WDR43: variants seen among roughly 807,000 people sequenced by gnomAD.
WDR43 encodes WD repeat-containing protein 43.
In WDR43, 13 loss-of-function variants were observed where a neutral mutation model predicts 91.4. That is an observed-to-expected ratio of 0.14 (90% CI 0.09 to 0.23). WDR43 has a LOEUF of 0.23. Ranked by LOEUF, WDR43 falls within the 10% of genes least tolerant of loss-of-function variation. The pLI is 1.00. For synonymous variants in WDR43, 331 were observed against 287.9 expected, an observed-to-expected ratio of 1.15 and a Z score of -1.51; for missense variants, 780 against 809.4, an observed-to-expected ratio of 0.96 and a Z score of 0.44.
intron 9 of WDR43, chr2:28,927,270 G>A (rs1388592013): frequency 2.1e-6 from 1 of 466,814 alleles, no homozygotes; most frequent in African/African-American, 2.0e-5. Context: ...TAGTAGTGGG[G>A]GCTTGTATAC....
At chr2:28,899,778 A>T (rs1160509078) in intron 1 of WDR43, among the ~76,000 whole-genome samples, 2 of 152,164 alleles carry the variant, frequency 1.3e-5, no homozygotes, top group African/African-American at 4.8e-5. Flanking sequence ...TTCTGGTCTG[A>T]TGTGTTACCT....
intron 16 of WDR43, 122 bp from the exon 17 acceptor site, chr2:28,946,328 A>G (rs6745598): frequency 0.72 from 704,324 of 974,094 alleles, 256,702 homozygotes; most frequent in East Asian, 0.86. Flanking sequence ...TCTTAGTTGG[A>G]TGATTGCTAA....
chr2:28,926,960 C>T (rs928097236), intron 9 of WDR43: 5 of 458,222 alleles, frequency 1.1e-5, no homozygotes, highest in South Asian at 1.6e-5. Context: ...GAATATAATA[C>T]CACAAAAGCA....
At chr2:28,920,224 CTTTTT>C (rs751048652) in intron 6 of WDR43, among the ~76,000 whole-genome samples, 6 of 108,072 alleles carry the variant, frequency 5.6e-5, no homozygotes, top group Non-Finnish European at 8.8e-5. Context: ...TTTTTTCTTT[CTTTTT>C]TTTTTTTTTT....
At chr2:28,925,674 A>G (rs1348553819) in intron 8 of WDR43, among the ~76,000 whole-genome samples, 1 of 152,240 alleles carries the variant, frequency 6.6e-6, no homozygotes, top group Non-Finnish European at 1.5e-5. Context: ...AGTTATCGTA[A>G]GCATGTACAA....
intron 2 of WDR43, among the ~76,000 whole-genome samples, chr2:28,903,973 T>A: frequency 6.6e-6 from 1 of 152,034 alleles, no homozygotes; most frequent in East Asian, 1.9e-4. Flanking sequence ...GCTGGCTCAT[T>A]TTTGTATTTT....
chr2:28,945,920 G>T (rs1416294587), intron 16 of WDR43, among the ~76,000 whole-genome samples: 2 of 151,672 alleles, frequency 1.3e-5, no homozygotes, highest in East Asian at 3.8e-4. Context: ...ATCCACTGGG[G>T]CTATTTGGTG....
chr2:28,933,131 A>T (rs1395565437), intron 11 of WDR43, among the ~76,000 whole-genome samples: 1 of 152,240 alleles, frequency 6.6e-6, no homozygotes, highest in Non-Finnish European at 1.5e-5. Context: ...CCTTCGTAGA[A>T]ATTGACAAAC....
At chr2:28,946,227 C>T (rs909958460) in intron 16 of WDR43, among the ~76,000 whole-genome samples, 9 of 151,714 alleles carry the variant, frequency 5.9e-5, no homozygotes, top group African/African-American at 1.9e-4. Context: ...GAGCCTGAGG[C>T]TTGAACCTGG....
intron 5 of WDR43, 120 bp from the exon 6 acceptor site, chr2:28,917,773 A>G (rs573421207): frequency 1.9e-5 from 16 of 846,174 alleles, no homozygotes; most frequent in African/African-American, 1.7e-4. Flanking sequence ...CTAGTTTTCA[A>G]AAGATGACAA....
intron 3 of WDR43, among the ~76,000 whole-genome samples, chr2:28,910,678 A>AATATATATTTATATAT (rs1670778141): frequency 7.0e-6 from 1 of 142,644 alleles, no homozygotes; most frequent in Admixed American, 7.3e-5. Context: ...TGTGTGTGTA[A>AATATATATTTATATAT]ATATATATAT....
chr2:28,930,445 G>GT (rs1161635963), intron 11 of WDR43, among the ~76,000 whole-genome samples: 3 of 152,232 alleles, frequency 2.0e-5, no homozygotes, highest in Admixed American at 6.5e-5. Context: ...TGTGATTTCA[G>GT]TGAGTGTCAA....
chr2:28,929,725 A>G lies in WDR43; in HGVS notation c.1437+15A>G, dbSNP rs768123630. 2 of 1,603,744 alleles carry G rather than the reference A, an allele frequency of 1.2e-6. No homozygotes were observed. Among genetic ancestry groups the G allele is most frequent in the Admixed American group, 1.7e-5 (1 of 58,748 alleles). ...AAATGCTAAATGTAAGTATATAGCA[A>G]TTTTTAACTAAATTAACATGGTTAA... On this transcript the variant is annotated intron_variant, in intron 11 of 17. Transcript: ENST00000407426.
At chr2:28,899,721 T>C (rs916801984) in intron 1 of WDR43, among the ~76,000 whole-genome samples, 1 of 152,230 alleles carries the variant, frequency 6.6e-6, no homozygotes, top group African/African-American at 2.4e-5. Context: ...GTATGGGTAA[T>C]ACTTGGAGTA....
At position 28,894,911 on chromosome 2, in the gene WDR43, G is replaced by A. The variant is rs763623771; in HGVS notation, c.213G>A (p.Arg71=). The change falls in exon 1 of 18, where the codon CGG becomes CGA. Residue 71 remains arginine (R), a synonymous_variant. Transcript: ENST00000407426. ...TCTCLAWAPA[R]LQAKESPQRK... The stretch of plus-strand genomic sequence containing the variant: ...CCTGTCTGGCCTGGGCGCCAGCGCG[G>A]CTGCAGGCCAAGGTAAAGCGAGCGG... The A allele has an allele frequency of 1.3e-6, 2 of 1,592,094 alleles. No individual in the cohort carries two copies. Among genetic ancestry groups the A allele is most frequent in the Non-Finnish European group, 1.7e-6 (2 of 1,170,078 alleles).
chr2:28,943,382 C>T (rs930746644), intron 16 of WDR43, among the ~76,000 whole-genome samples: 3 of 152,130 alleles, frequency 2.0e-5, no homozygotes, highest in Non-Finnish European at 4.4e-5. Flanking sequence ...ACGGTCTTCT[C>T]GCGTCAGCTT....
chr2:28,943,875 T>C (rs192498796), intron 16 of WDR43, among the ~76,000 whole-genome samples: 69 of 152,294 alleles, frequency 4.5e-4, no homozygotes, highest in African/African-American at 1.7e-3. Context: ...GCTCATGCTG[T>C]GGTGGGAGTA....
intron 16 of WDR43, among the ~76,000 whole-genome samples, chr2:28,944,339 A>T (rs1257317714): frequency 6.6e-6 from 1 of 152,242 alleles, no homozygotes; most frequent in Non-Finnish European, 1.5e-5. Flanking sequence ...AACAGATTAA[A>T]TATTCTTAAA....
intron 5 of WDR43, among the ~76,000 whole-genome samples, chr2:28,915,031 C>A (rs960325346): frequency 2.0e-5 from 3 of 150,098 alleles, no homozygotes; most frequent in African/African-American, 7.3e-5. Context: ...GAAAAAAAAA[C>A]CACCTTGCTG....
Sources: gnomAD v4.1 joint callset for allele counts (sites outside exome capture counted in the v4.1 genomes callset) on GRCh38, gnomAD v4.1.1 for gene constraint, MANE v1.5 for transcripts, NCBI Gene and HGNC (gene_info 2026-07-23, HGNC 2026-07-21) for gene names.